The following EPS8 variants were observed in gnomAD, a reference collection of about 807,000 sequenced individuals.
EPS8 encodes epidermal growth factor receptor kinase substrate 8.
In EPS8, 42 loss-of-function variants were observed where a neutral mutation model predicts 103.8. The ratio of observed to expected loss-of-function variants is 0.40; its 90% CI spans 0.32 to 0.52. The LOEUF is 0.52. Among genes scored for constraint, EPS8 ranks in the 20% least tolerant of loss-of-function variants. EPS8 has a pLI of 0.40. For missense variants in EPS8, 969 were observed against 1,005.1 expected (o/e 0.96, Z 0.49); for synonymous variants, 344 against 344.6 (o/e 1.00, Z 0.02).
intron 3 of EPS8, among the ~76,000 whole-genome samples, chr12:15,675,538 G>T (rs1945888080): frequency 6.6e-6 from 1 of 152,194 alleles, no homozygotes; most frequent in Non-Finnish European, 1.5e-5. Flanking sequence ...TGTGGAGATT[G>T]CAGTCAGCTG....
Position 15,682,942 on chromosome 12 carries a change from G to T in EPS8, c.10C>A (p.His4Asn). 6.3e-7 allele frequency: 1 copy of T among 1,582,330 alleles called. No homozygotes were observed. The highest frequency in any genetic ancestry group is 1.2e-5 in the South Asian group (1 of 86,492). The change falls in exon 2 of 21, where the codon CAT (histidine) becomes AAT (asparagine). Residue 4 changes from histidine (H) to asparagine (N), a missense_variant. Coordinates refer to ENST00000281172, the MANE Select transcript of EPS8 (RefSeq NM_004447.6). MNG[H>N]ISNHPSSFGM... ...AAACTACTGGGATGATTAGAAATAT[G>T]ACCATTCATTGTGTCTTTCACTTGT...
chr12:15,690,760 G>C lies in EPS8; in HGVS notation c.-21-7788C>G, dbSNP rs1946160433. On this transcript the variant is annotated intron_variant, in intron 1 of 20. Transcript: ENST00000281172. The surrounding 1 kb of genome is among the most constrained non-coding windows in gnomAD (Gnocchi z 4.7). Reference sequence around the variant, plus strand: ...GAAAAGTTCACGACTAAGCAGGTAAGTTAAAACCCTCAATTCTTAACTGTT... The same window carrying C: ...GAAAAGTTCACGACTAAGCAGGTAACTTAAAACCCTCAATTCTTAACTGTT... Among the ~76,000 whole-genome samples, 1 of 152,172 alleles carries C rather than the reference G, an allele frequency of 6.6e-6. No individual in the cohort carries two copies.
rs763047052 is a variant in EPS8 at position 15,728,314 on chromosome 12, G to C, written c.-21-45342C>G. On this transcript the variant is annotated intron_variant, in intron 1 of 20. Coordinates refer to ENST00000281172, the MANE Select transcript of EPS8 (RefSeq NM_004447.6). The surrounding 1 kb of genome is among the most constrained non-coding windows in gnomAD (Gnocchi z 4.5). ...CATAGATTCCATTTTCAAACCAGGGGGGGTGCCTTGTGGGTGTATGTGTGT... is the reference window on the plus strand; with the variant it reads ...CATAGATTCCATTTTCAAACCAGGGCGGGTGCCTTGTGGGTGTATGTGTGT... The C allele has an allele frequency of 1.3e-5, 2 of 152,168 alleles. No individual in the cohort carries two copies. Among genetic ancestry groups the C allele is most frequent in the Non-Finnish European group, 2.9e-5 (2 of 68,034 alleles). The allele number at this position is 152,168 out of a possible 1,614,324, so 9.4% of individuals were successfully genotyped here.
At chr12:15,705,054 A>T (rs1946366428) in intron 1 of EPS8, among the ~76,000 whole-genome samples, 2 of 152,214 alleles carry the variant, frequency 1.3e-5, no homozygotes, top group Admixed American at 1.3e-4. Context: ...CACAATCTCT[A>T]ATTTACAAAA....
Position 15,704,772 on chromosome 12 carries a change from C to G in EPS8, c.-21-21800G>C, listed in dbSNP as rs1268329323. 6.6e-6 allele frequency among the ~76,000 whole-genome samples: 1 copy of G among 152,112 alleles called. No homozygotes were observed. The highest frequency in any genetic ancestry group is 1.5e-5 in the Non-Finnish European group (1 of 68,002). On this transcript the variant is annotated intron_variant, in intron 1 of 20. Transcript: ENST00000281172. The surrounding 1 kb of genome is among the most constrained non-coding windows in gnomAD (Gnocchi z 4.6). Reference sequence around the variant, plus strand: ...ACAATAATTAGAGAAATCTGAGGAACAAATGAACTACTGAATGTCTGTGAG... The same window carrying G: ...ACAATAATTAGAGAAATCTGAGGAAGAAATGAACTACTGAATGTCTGTGAG...
chr12:15,755,080 G>C (rs1361968974), intron 1 of EPS8, among the ~76,000 whole-genome samples: 1 of 152,194 alleles, frequency 6.6e-6, no homozygotes, highest in Non-Finnish European at 1.5e-5. Flanking sequence ...AGAGATGTCA[G>C]GAGAGAAGCT....
chr12:15,642,160 G>A (rs920989073), intron 15 of EPS8, among the ~76,000 whole-genome samples: 1 of 151,866 alleles, frequency 6.6e-6, no homozygotes, highest in African/African-American at 2.4e-5. Context: ...TACCATAAAA[G>A]AACTAGATAA....
At chr12:15,722,542 C>T (rs1452881452) in intron 1 of EPS8, among the ~76,000 whole-genome samples, 2 of 152,166 alleles carry the variant, frequency 1.3e-5, no homozygotes, top group Admixed American at 6.5e-5. Flanking sequence ...TATTAATACA[C>T]TGTCAAAATT....
At chr12:15,649,637 T>G (rs1008150380) in intron 14 of EPS8, among the ~76,000 whole-genome samples, 37 of 152,222 alleles carry the variant, frequency 2.4e-4, no homozygotes, top group African/African-American at 8.4e-4. Context: ...AAAATTGCAT[T>G]AGGAAAAAAT....
At chr12:15,699,320 T>A (rs1946282122) in intron 1 of EPS8, among the ~76,000 whole-genome samples, 1 of 152,204 alleles carries the variant, frequency 6.6e-6, no homozygotes. Context: ...TAAGTGTAAA[T>A]CCTGACTAAC....
At chr12:15,657,417 A>C (rs1945526646) in intron 12 of EPS8, among the ~76,000 whole-genome samples, 1 of 151,624 alleles carries the variant, frequency 6.6e-6, no homozygotes, top group Non-Finnish European at 1.5e-5. Context: ...GTTTTCCTTC[A>C]CTCCTCTATT....
chr12:15,644,792 C>G lies in EPS8; in HGVS notation c.1568+2335G>C, dbSNP rs139820464. 5.3e-3 allele frequency among the ~76,000 whole-genome samples: 807 copies of G among 151,830 alleles called. 6 individuals are homozygous for G. The highest frequency in any genetic ancestry group is 0.019 in the African/African-American group (769 of 41,396). On this transcript the variant is annotated intron_variant, in intron 15 of 20. Coordinates refer to ENST00000281172, the MANE Select transcript of EPS8 (RefSeq NM_004447.6). ...CCTGGTATGTAATAGAGTTTAAGGTCAACAATAATTATTTATAAAAACAAA... is the reference window on the plus strand; with the variant it reads ...CCTGGTATGTAATAGAGTTTAAGGTGAACAATAATTATTTATAAAAACAAA...
rs1946508116 is a variant in EPS8, at chr12:15,714,588, A to G, written c.-21-31616T>C. On this transcript the variant is annotated intron_variant, in intron 1 of 20. Coordinates refer to ENST00000281172, the MANE Select transcript of EPS8 (RefSeq NM_004447.6). This position sits in a 1 kb window ranked among gnomAD's most constrained non-coding sequence, Gnocchi z 4.1. ...GCCCAGGAGTTTGAGCCCAGGAGTG[A>G]GCTATGATCACGCCACTGTATTCCA... Among the ~76,000 whole-genome samples the G allele has an allele frequency of 6.6e-6, 1 of 152,180 alleles. No homozygotes were observed.
intron 1 of EPS8, among the ~76,000 whole-genome samples, chr12:15,788,578 G>A (rs976397828): frequency 1.3e-5 from 2 of 152,226 alleles, no homozygotes; most frequent in Admixed American, 6.5e-5. Flanking sequence ...AAGGCCGTCT[G>A]TCTTCCCAAA....
intron 3 of EPS8, among the ~76,000 whole-genome samples, chr12:15,674,150 A>G (rs1398169395): frequency 6.6e-6 from 1 of 152,218 alleles, no homozygotes. Flanking sequence ...TGGTATTTAC[A>G]CTTAATTCCC....
rs891314263 is a variant in EPS8 at position 15,762,007 on chromosome 12, A to T, written c.-22+27154T>A. 1.3e-5 allele frequency among the ~76,000 whole-genome samples: 2 copies of T among 148,858 alleles called. No individual in the cohort carries two copies. The highest frequency in any genetic ancestry group is 2.9e-5 in the Non-Finnish European group (2 of 68,016). Reference sequence around the variant, plus strand: ...AAGTGAAGAGACAACCCACAGAATCAGAGAAAATATATTTGCAAACTATCC... The same window carrying T: ...AAGTGAAGAGACAACCCACAGAATCTGAGAAAATATATTTGCAAACTATCC... On this transcript the variant is annotated intron_variant, in intron 1 of 20. Transcript: ENST00000281172. This position sits in a 1 kb window ranked among gnomAD's most constrained non-coding sequence, Gnocchi z 4.8.
chr12:15,660,918 T>C (rs1430043224), intron 9 of EPS8, among the ~76,000 whole-genome samples, 178 bp from the exon 10 acceptor site: 1 of 152,230 alleles, frequency 6.6e-6, no homozygotes, highest in East Asian at 1.9e-4. Context: ...ATTCTGACAT[T>C]TACATTTTTC....
intron 1 of EPS8, among the ~76,000 whole-genome samples, chr12:15,765,517 G>C (rs1040571916): frequency 6.6e-6 from 1 of 151,646 alleles, no homozygotes; most frequent in Non-Finnish European, 1.5e-5. Context: ...AGAGAAGAAA[G>C]GATCAAGAAA....
rs1946757245 is a variant in EPS8 at position 15,735,266 on chromosome 12, A to AAAT, written c.-21-52297_-21-52295dup. Among the ~76,000 whole-genome samples the AAAT allele has an allele frequency of 6.6e-6, 1 of 152,214 alleles. No homozygotes were observed. The highest frequency in any genetic ancestry group is 2.1e-4 in the South Asian group (1 of 4,832). ...TGCATGTAACAAAATGATAAAAGAA[A>AAAT]AATATTCATTTTGAAGCACAATATG... On this transcript the variant is annotated intron_variant, in intron 1 of 20. Coordinates refer to ENST00000281172, the MANE Select transcript of EPS8 (RefSeq NM_004447.6). The surrounding 1 kb of genome is among the most constrained non-coding windows in gnomAD (Gnocchi z 4.4).
Sources: allele counts gnomAD v4.1 joint callset (sites outside exome capture counted in the v4.1 genomes callset), GRCh38; gene constraint gnomAD v4.1.1; non-coding constraint Gnocchi (gnomAD v3.1); transcripts MANE v1.5; gene names NCBI Gene and HGNC (gene_info 2026-07-23, HGNC 2026-07-21).